Variants in TAF1 observed in about 807,000 individuals in gnomAD.
The protein encoded by TAF1 is transcription initiation factor TFIID subunit 1.
TAF1 carries 2 observed loss-of-function variants against 138.5 expected under a neutral mutation model. The ratio of observed to expected loss-of-function variants is 0.01; its 90% CI spans 0.01 to 0.05. The LOEUF is 0.05. TAF1 is among the 10% of genes least tolerant of loss of function. The pLI is 1.00. For missense variants in TAF1, 709 were observed against 1,478.0 expected (o/e 0.48, Z 8.53); for synonymous variants, 437 against 503.2 (o/e 0.87, Z 1.76).
At chrX:71,470,619 C>G (rs974433612), downstream of TAF1, among the ~76,000 whole-genome samples, 1 of 106,973 alleles carries the variant, frequency 9.3e-6, no homozygotes, top group African/African-American at 3.4e-5. Flanking sequence ...TCAAGTGATC[C>G]GCCCACCTCA....
In TAF1 at chrX:71,406,433, T is replaced by C. The variant is rs776357443; in HGVS notation, c.3999-205T>C. On this transcript the variant is annotated intron_variant, in intron 25 of 37. Coordinates refer to ENST00000423759, the MANE Select transcript of TAF1 (RefSeq NM_004606.5). ...TAGGAAACTGAGGTAAAATTGTGACTTGCCTAGTTATTTATTAACTTGGAG... is the reference window on the plus strand; with the variant it reads ...TAGGAAACTGAGGTAAAATTGTGACCTGCCTAGTTATTTATTAACTTGGAG... Among the ~76,000 whole-genome samples, 16 of 110,726 alleles carry C rather than the reference T, an allele frequency of 1.4e-4. No homozygotes were observed. The Admixed American group carries it at 1.5e-3, about 10-fold the overall frequency.
chrX:71,438,692 C>T (rs951406246), intron 32 of TAF1, among the ~76,000 whole-genome samples: 6 of 112,178 alleles, frequency 5.3e-5, no homozygotes, highest in African/African-American at 1.9e-4. Context: ...TTGTGATTGG[C>T]TTCCATGACA....
At chrX:71,499,179 T>C (rs1043481896) in intron 13 of TAF1, among the ~76,000 whole-genome samples, 5 of 111,487 alleles carry the variant, frequency 4.5e-5, no homozygotes, top group African/African-American at 1.6e-4. Context: ...AAAGTGTCCT[T>C]GTACACCACA....
chrX:71,369,902 C>T (rs909292858), intron 3 of TAF1, among the ~76,000 whole-genome samples: 2 of 109,137 alleles, frequency 1.8e-5, no homozygotes, highest in African/African-American at 6.6e-5. Context: ...CATGAGCCAC[C>T]GTGCCTGGCC....
At chrX:71,450,773 A>G (rs1055112786) in intron 32 of TAF1, among the ~76,000 whole-genome samples, 2 of 112,714 alleles carry the variant, frequency 1.8e-5, no homozygotes, top group Admixed American at 9.4e-5. Flanking sequence ...AAGTATTAAG[A>G]AAATGTCTTA....
At chrX:71,511,596 A>G (rs1016352756) in intron 13 of TAF1, among the ~76,000 whole-genome samples, 2 of 112,796 alleles carry the variant, frequency 1.8e-5, no homozygotes, top group African/African-American at 6.4e-5. Context: ...TCATTCCTTT[A>G]TGGGGTGAAA....
chrX:71,487,612 C>T (rs778338069), intron 13 of TAF1, among the ~76,000 whole-genome samples: 7 of 111,788 alleles, frequency 6.3e-5, no homozygotes, highest in African/African-American at 1.6e-4. Flanking sequence ...CGTGAGCCAC[C>T]GCACCTGGCC....
chrX:71,405,210 C>T (rs191870861), intron 25 of TAF1, among the ~76,000 whole-genome samples: 1,562 of 110,950 alleles, frequency 0.014, 9 homozygotes, highest in African/African-American at 0.036. Context: ...CCACCTGCCT[C>T]GGCCTCCCAA....
At chrX:71,380,170 A>G (rs1248623623) in intron 8 of TAF1, among the ~76,000 whole-genome samples, 3 of 110,838 alleles carry the variant, frequency 2.7e-5, no homozygotes, top group African/African-American at 6.6e-5. Context: ...CCGTATGTAC[A>G]GTTTTGCATA....
At chrX:71,461,428 C>A (rs2038547306) in intron 37 of TAF1, among the ~76,000 whole-genome samples, 1 of 111,065 alleles carries the variant, frequency 9.0e-6, no homozygotes, top group Admixed American at 9.6e-5. Context: ...ATTTGTATAA[C>A]TTAGGACAAT....
At chrX:71,512,675 G>A (rs909806468) in intron 13 of TAF1, among the ~76,000 whole-genome samples, 3 of 110,921 alleles carry the variant, frequency 2.7e-5, no homozygotes, top group African/African-American at 6.6e-5. Context: ...AAAATTTGCC[G>A]GGCATGGTGG....
chrX:71,453,026 G>C (rs950911938), intron 32 of TAF1, among the ~76,000 whole-genome samples: 5 of 111,074 alleles, frequency 4.5e-5, no homozygotes, highest in African/African-American at 6.5e-5. Context: ...GTCCAGCTTC[G>C]GCTCGGCATC....
intron 32 of TAF1, among the ~76,000 whole-genome samples, chrX:71,432,189 T>C (rs1330122259): frequency 9.1e-6 from 1 of 109,558 alleles, no homozygotes; most frequent in African/African-American, 3.3e-5. Flanking sequence ...AGGAAGGAAG[T>C]AGACAATATG....
At chrX:71,406,268 G>C (rs1352961774) in intron 25 of TAF1, among the ~76,000 whole-genome samples, 1 of 105,088 alleles carries the variant, frequency 9.5e-6, no homozygotes, top group African/African-American at 3.5e-5. Context: ...GGTGGAGGTT[G>C]CAGTGAGCTG....
chrX:71,428,961 T>G (rs1198179786), intron 32 of TAF1, among the ~76,000 whole-genome samples: 1 of 111,879 alleles, frequency 8.9e-6, no homozygotes, highest in Non-Finnish European at 1.9e-5. Context: ...TTTATATGTT[T>G]TCCGTGGTTT....
chrX:71,420,047 C>CT, intron 28 of TAF1: 2 of 292,871 alleles, frequency 6.8e-6, no homozygotes, highest in East Asian at 6.8e-5. Flanking sequence ...CTTCTGTCCT[C>CT]TTTTTTTCTT....
At chrX:71,404,176 G>A (rs1189071979) in intron 25 of TAF1, among the ~76,000 whole-genome samples, 1 of 110,130 alleles carries the variant, frequency 9.1e-6, no homozygotes, top group Admixed American at 9.8e-5. Context: ...TTTTCACCAT[G>A]TTGGCCAGGC....
rs752683098 is a variant in TAF1, at chrX:71,489,066, G to GA, written c.1366+28278dup. Among the ~76,000 whole-genome samples the GA allele has an allele frequency of 8.2e-3, 697 of 85,216 alleles. 2 individuals carry two copies. The highest frequency in any genetic ancestry group is 0.013 in the Middle Eastern group (2 of 157). 74.0% of individuals were successfully genotyped at this position (85,216 alleles called of 115,157 possible). ...TGAGCAACAGAGCAAGACTCTGTCT[G>GA]AAAAAAAAAAAAAAACACACACAAA... On this transcript the variant is annotated intron_variant and NMD_transcript_variant, in intron 13 of 14. Transcript: ENST00000373775.
Position 71,503,135 on chromosome X carries a change from G to T in TAF1, c.1367-25407G>T, listed in dbSNP as rs771225267. ...AAAATACAAAAATTAGCCGGGTGTG[G>T]TGGTGTGTGCCTGTAATCCCAGCTA... On this transcript the variant is annotated intron_variant and NMD_transcript_variant, in intron 13 of 14. Coordinates refer to the TAF1 transcript ENST00000373775. 2.8e-5 allele frequency among the ~76,000 whole-genome samples: 3 copies of T among 106,202 alleles called. No individual in the cohort carries two copies. In the South Asian group the frequency reaches 1.2e-3, roughly 44 times the overall value. 92.2% of individuals were successfully genotyped at this position (106,202 alleles called of 115,157 possible).
Sources: gnomAD v4.1 joint callset for allele counts (sites outside exome capture counted in the v4.1 genomes callset) on GRCh38, gnomAD v4.1.1 for gene constraint, MANE v1.5 for transcripts, NCBI Gene and HGNC (gene_info 2026-07-23, HGNC 2026-07-21) for gene names.